Variants in ACOXL observed in about 807,000 individuals in gnomAD.
ACOXL encodes acyl-CoA oxidase like.
In ACOXL, 70 loss-of-function variants were observed where a neutral mutation model predicts 71.9. That is an observed-to-expected ratio of 0.97 (90% CI 0.80 to 1.19). The LOEUF (loss-of-function observed/expected upper bound fraction) is 1.19, where lower values mean the gene tolerates loss of function less well. ACOXL is among the 50% of genes most tolerant of loss of function. The probability of loss-of-function intolerance (pLI) is 0.00; values close to 1 mark genes in which losing one functional copy is unlikely to be tolerated. For missense variants in ACOXL, 703 were observed against 736.3 expected, an observed-to-expected ratio of 0.95 and a Z score of 0.52; for synonymous variants, 253 against 281.6, an observed-to-expected ratio of 0.90 and a Z score of 1.02.
At position 110,793,653 on chromosome 2, in the gene ACOXL, G is replaced by A. The variant is rs779762950; in HGVS notation, c.163G>A (p.Gly55Arg). 9.3e-6 allele frequency: 15 copies of A among 1,613,700 alleles called. No homozygotes were observed. The highest frequency in any genetic ancestry group is 3.3e-5 in the Admixed American group (2 of 59,986). ...MADMATGVKC[G>R]IIYWLFGGAI... is the part of the protein sequence containing the mutation. ...TTTGTATTGTCCTTGTTTCCAGTGC[G>A]GAATAATTTATTGGCTATTTGGTGG... The change falls in exon 4 of 18, where the codon GGA (glycine) becomes AGA (arginine). Residue 55 changes from glycine (G) to arginine (R), a missense_variant. Coordinates refer to ENST00000439055, the MANE Select transcript of ACOXL (RefSeq NM_001142807.4).
Position 110,995,877 on chromosome 2 carries a change from C to A in ACOXL, c.1170-16C>A, listed in dbSNP as rs564141111. 6.3e-7 allele frequency: 1 copy of A among 1,597,200 alleles called. No individual in the cohort carries two copies. On this transcript the variant is annotated splice_polypyrimidine_tract_variant and intron_variant, in intron 13 of 17. Transcript: ENST00000439055. ...AGGCCAAAATAATAATGATGGTCAC[C>A]GTGATTTTCTTTCAGTTTCCTGGCA...
intron 10 of ACOXL, among the ~76,000 whole-genome samples, chr2:110,864,860 A>C (rs530981158): frequency 1.3e-5 from 2 of 152,338 alleles, no homozygotes; most frequent in South Asian, 4.1e-4. Context: ...CCTCGTATCC[A>C]GGCTGTCAGG....
chr2:111,031,156 C>T (rs1279804126), intron 14 of ACOXL, among the ~76,000 whole-genome samples: 1 of 152,182 alleles, frequency 6.6e-6, no homozygotes, highest in Non-Finnish European at 1.5e-5. Flanking sequence ...AACATGGCAG[C>T]TAGTCAGTGC....
At chr2:110,752,973 A>G (rs1679202202) in intron 1 of ACOXL, among the ~76,000 whole-genome samples, 1 of 151,970 alleles carries the variant, frequency 6.6e-6, no homozygotes, top group African/African-American at 2.4e-5. Flanking sequence ...TATAGTTTGG[A>G]TGTTTTTCCC....
At chr2:111,004,763 T>C (rs2063795135) in intron 14 of ACOXL, among the ~76,000 whole-genome samples, 1 of 152,196 alleles carries the variant, frequency 6.6e-6, no homozygotes, top group Non-Finnish European at 1.5e-5. Flanking sequence ...GGAAATGCCA[T>C]TGATAATGAA....
intron 1 of ACOXL, among the ~76,000 whole-genome samples, chr2:110,755,091 G>A (rs1284155379): frequency 2.6e-5 from 4 of 152,092 alleles, no homozygotes; most frequent in South Asian, 2.1e-4. Context: ...TCATGGGACC[G>A]TTTTACAACC....
intron 10 of ACOXL, among the ~76,000 whole-genome samples, chr2:110,863,920 G>GT (rs1302801464): frequency 6.6e-6 from 1 of 152,176 alleles, no homozygotes; most frequent in Non-Finnish European, 1.5e-5. Context: ...CATGTGACTT[G>GT]TGGGTGTGTT....
chr2:110,963,544 T>C (rs952354024), intron 12 of ACOXL: 19 of 1,547,086 alleles, frequency 1.2e-5, no homozygotes, highest in Non-Finnish European at 1.3e-5. Flanking sequence ...TCCTATGTAG[T>C]GATGGGATCG....
At chr2:110,860,732 T>G (rs1031734159) in intron 10 of ACOXL, among the ~76,000 whole-genome samples, 1 of 152,196 alleles carries the variant, frequency 6.6e-6, no homozygotes, top group Admixed American at 6.5e-5. Context: ...CCAGGAGCTT[T>G]GGAGAGAGAG....
intron 16 of ACOXL, among the ~76,000 whole-genome samples, chr2:111,088,884 T>C (rs1025071503): frequency 6.6e-6 from 1 of 152,232 alleles, no homozygotes; most frequent in Admixed American, 6.5e-5. Context: ...AGATAGTTTA[T>C]GTACAAATAG....
chr2:110,762,433 C>T (rs894740222), intron 1 of ACOXL, among the ~76,000 whole-genome samples: 2 of 151,476 alleles, frequency 1.3e-5, no homozygotes, highest in African/African-American at 2.4e-5. Flanking sequence ...TCTTACCTTC[C>T]TGTAGATTAT....
At chr2:110,943,017 A>AAGGAAG (rs1430436408) in intron 12 of ACOXL, among the ~76,000 whole-genome samples, 3 of 134,210 alleles carry the variant, frequency 2.2e-5, no homozygotes, top group Non-Finnish European at 4.9e-5. Context: ...AAAGAAAGAG[A>AAGGAAG]AAGGAAGGAA....
chr2:110,778,973 C>T (rs778166396), intron 2 of ACOXL, among the ~76,000 whole-genome samples: 5 of 152,170 alleles, frequency 3.3e-5, no homozygotes, highest in Non-Finnish European at 7.3e-5. Flanking sequence ...CAATATCAAT[C>T]GATTCTGTAA....
intron 12 of ACOXL, among the ~76,000 whole-genome samples, chr2:110,949,978 AC>A (rs1172702789): frequency 1.3e-5 from 2 of 151,944 alleles, no homozygotes; most frequent in Non-Finnish European, 2.9e-5. Context: ...TCTACACTTA[AC>A]CCTCATTTAA....
intron 2 of ACOXL, 123 bp downstream of exon 2, chr2:110,768,587 G>T (rs937081252): frequency 3.5e-6 from 3 of 849,918 alleles, no homozygotes; most frequent in African/African-American, 3.4e-5. Flanking sequence ...ATATGTGCAG[G>T]TTTGTTACAT....
At chr2:111,018,439 G>T (rs1024915006) in intron 14 of ACOXL, among the ~76,000 whole-genome samples, 2 of 152,204 alleles carry the variant, frequency 1.3e-5, no homozygotes, top group African/African-American at 4.8e-5. Context: ...TGGGCGTGAA[G>T]CCCATCAGTA....
chr2:110,798,381 C>G (rs375030855), intron 5 of ACOXL, among the ~76,000 whole-genome samples: 2 of 152,072 alleles, frequency 1.3e-5, no homozygotes, highest in Non-Finnish European at 1.5e-5. Context: ...CTCAGCCTCC[C>G]GAGTAGCTGG....
chr2:111,077,691 C>T (rs1390472870), intron 16 of ACOXL, among the ~76,000 whole-genome samples: 4 of 152,154 alleles, frequency 2.6e-5, no homozygotes, highest in Admixed American at 2.0e-4. Context: ...ATCATTTACA[C>T]GATATATAAT....
chr2:110,767,174 C>G (rs912334752), intron 1 of ACOXL, among the ~76,000 whole-genome samples: 2 of 152,146 alleles, frequency 1.3e-5, no homozygotes, highest in African/African-American at 4.8e-5. Flanking sequence ...TGAGTGAGGT[C>G]CTACAGGCTC....
Sources: gnomAD v4.1 joint callset for allele counts (sites outside exome capture counted in the v4.1 genomes callset) on GRCh38, gnomAD v4.1.1 for gene constraint, MANE v1.5 for transcripts, NCBI Gene and HGNC (gene_info 2026-07-23, HGNC 2026-07-21) for gene names.